EPB41: variants seen among roughly 807,000 people sequenced by gnomAD.
The protein encoded by EPB41 is erythrocyte membrane protein band 4.1, also known as protein 4.1.
In EPB41, 65 loss-of-function variants were observed where a neutral mutation model predicts 108.0. That is an observed-to-expected ratio of 0.60 (90% CI 0.49 to 0.74). EPB41 has a LOEUF of 0.74. Among genes scored for constraint, EPB41 ranks in the 30% least tolerant of loss-of-function variants. EPB41 has a pLI of 0.00. For synonymous variants in EPB41, 336 were observed against 358.9 expected, an observed-to-expected ratio of 0.94 and a Z score of 0.72; for missense variants, 875 against 1,037.0, an observed-to-expected ratio of 0.84 and a Z score of 2.15.
At chr1:28,941,848 G>T (rs1235058889) in intron 1 of EPB41, among the ~76,000 whole-genome samples, 1 of 148,448 alleles carries the variant, frequency 6.7e-6, no homozygotes, top group Non-Finnish European at 1.5e-5. Flanking sequence ...GAGCTGAGAT[G>T]GTGCCATTGC....
chr1:29,098,779 T>C (rs72649247), intron 17 of EPB41, among the ~76,000 whole-genome samples: 5,826 of 152,058 alleles, frequency 0.038, 137 homozygotes, highest in Non-Finnish European at 0.058. Context: ...TCAGTCACTC[T>C]GTCGCCCAGG....
chr1:29,006,156 T>G (rs2096395627), intron 4 of EPB41, among the ~76,000 whole-genome samples: 1 of 152,234 alleles, frequency 6.6e-6, no homozygotes, highest in Non-Finnish European at 1.5e-5. Context: ...TTTGCATATA[T>G]TATTCTCTAT....
chr1:29,055,887 C>T (rs1181605303), intron 12 of EPB41, among the ~76,000 whole-genome samples: 2 of 140,288 alleles, frequency 1.4e-5, no homozygotes, highest in Non-Finnish European at 3.0e-5. Context: ...GAGATTGCGC[C>T]ACTGCACGCC....
At chr1:28,906,083 T>G (rs2091805359) in intron 1 of EPB41, among the ~76,000 whole-genome samples, 1 of 152,054 alleles carries the variant, frequency 6.6e-6, no homozygotes, top group African/African-American at 2.4e-5. Flanking sequence ...CCTCCCAAAG[T>G]GTTGGGATTA....
rs758164060 is a variant in EPB41, at chr1:29,018,443, G to T, written c.1124+1G>T. ...TCATGGAACTGCATAAGTCATACAG[G>T]TGAATATGTCTCCAGGGTTTGTTCG... On this transcript the variant is annotated splice_donor_variant, in intron 7 of 20. Transcript: ENST00000343067. LOFTEE classifies it high-confidence loss of function. This position sits in a 1 kb window ranked among gnomAD's most constrained non-coding sequence, Gnocchi z 4.4. 9 of 1,613,500 alleles carry T rather than the reference G, an allele frequency of 5.6e-6. No homozygotes were observed.
chr1:28,948,552 T>C (rs1285030442), intron 1 of EPB41, among the ~76,000 whole-genome samples: 1 of 151,182 alleles, frequency 6.6e-6, no homozygotes, highest in African/African-American at 2.4e-5. Flanking sequence ...GCAGCAACTA[T>C]TGGAGGATAG....
intron 1 of EPB41, among the ~76,000 whole-genome samples, chr1:28,947,688 T>C (rs939198709): frequency 6.6e-6 from 1 of 151,950 alleles, no homozygotes; most frequent in Admixed American, 6.6e-5. Flanking sequence ...TAGCTGGGTG[T>C]GGCGGCACAT....
At chr1:28,890,308 G>C (rs2089983478) in intron 1 of EPB41, among the ~76,000 whole-genome samples, 1 of 152,138 alleles carries the variant, frequency 6.6e-6, no homozygotes, top group South Asian at 2.1e-4. Context: ...AAAGTGCTGG[G>C]ATTACAGGCG....
upstream of EPB41, among the ~76,000 whole-genome samples, chr1:28,911,712 T>G (rs1321731741): frequency 1.3e-5 from 2 of 152,168 alleles, no homozygotes; most frequent in African/African-American, 4.8e-5. Flanking sequence ...AAAGCACAGC[T>G]GAACCTGAGG....
intron 11 of EPB41, among the ~76,000 whole-genome samples, chr1:29,044,478 A>T (rs999113591): frequency 9.9e-5 from 15 of 151,740 alleles, no homozygotes; most frequent in African/African-American, 3.4e-4. Flanking sequence ...TATATTCTGA[A>T]TTTTTTTTTA....
At chr1:29,001,202 T>C (rs570171417) in intron 4 of EPB41, among the ~76,000 whole-genome samples, 1 of 152,282 alleles carries the variant, frequency 6.6e-6, no homozygotes, top group East Asian at 1.9e-4. Flanking sequence ...TGGTGGCACA[T>C]GCCTGTAATC....
At position 28,905,030 on chromosome 1, in the gene EPB41, CAAAAAAA is replaced by C. The variant is rs1221262969; in HGVS notation, c.-8+17833_-8+17839del. ...TGGGCGACAGAACGAGACTCTGTCT[CAAAAAAA>C]AAAAAAAAAAAATTAGCCAGGCGTG... On this transcript the variant is annotated intron_variant, in intron 1 of 16. Coordinates refer to the EPB41 transcript ENST00000347529. Among the ~76,000 whole-genome samples the C allele has an allele frequency of 8.0e-3, 576 of 72,354 alleles. 8 individuals carry two copies. The highest frequency in any genetic ancestry group is 0.032 in the African/African-American group (548 of 17,150). 47.5% of individuals were successfully genotyped at this position (72,354 alleles called of 152,430 possible). A position where few individuals can be genotyped will look rare whatever the true frequency, so the allele number is the denominator to read the frequency against.
intron 1 of EPB41, among the ~76,000 whole-genome samples, chr1:28,929,136 T>G (rs2093602929): frequency 6.6e-6 from 1 of 152,342 alleles, no homozygotes; most frequent in East Asian, 1.9e-4. Context: ...TGGGAACTAA[T>G]TATTATTTTA....
chr1:28,995,526 C>T (rs763282138), intron 3 of EPB41, among the ~76,000 whole-genome samples: 1 of 152,198 alleles, frequency 6.6e-6, no homozygotes, highest in Non-Finnish European at 1.5e-5. Context: ...CACACCACTG[C>T]ACTCCAGCCT....
intron 1 of EPB41, among the ~76,000 whole-genome samples, chr1:28,899,755 C>T (rs557157608): frequency 6.6e-6 from 1 of 152,266 alleles, no homozygotes; most frequent in East Asian, 1.9e-4. Context: ...AAATTACCTA[C>T]CCTTCCTGAG....
chr1:29,112,456 T>A lies in EPB41; in HGVS notation c.2496+8T>A. On this transcript the variant is annotated splice_region_variant and intron_variant, in intron 19 of 20. Coordinates refer to ENST00000343067, the MANE Select transcript of EPB41 (RefSeq NM_001376013.1). ...GATATTGACCATGATCAGGTGGGAA[T>A]GTTGAAGAGATCTGGGCCTGGGAGG... is the stretch of plus-strand genomic sequence containing the variant. 6.2e-7 allele frequency: 1 copy of A among 1,612,586 alleles called. No homozygotes were observed.
chr1:29,066,961 C>T (rs1184810099), intron 16 of EPB41, among the ~76,000 whole-genome samples: 1 of 151,784 alleles, frequency 6.6e-6, no homozygotes, highest in Non-Finnish European at 1.5e-5. Context: ...AGGCATGAGC[C>T]ACCGTGCCCA....
intron 19 of EPB41, among the ~76,000 whole-genome samples, chr1:29,112,992 C>T (rs1249218332): frequency 9.2e-5 from 14 of 152,170 alleles, no homozygotes; most frequent in Admixed American, 6.6e-5. Context: ...CCAGCAGACT[C>T]GAAACTTGTT....
intron 16 of EPB41, among the ~76,000 whole-genome samples, chr1:29,075,203 G>C (rs1337774775): frequency 6.7e-6 from 1 of 149,714 alleles, no homozygotes; most frequent in Non-Finnish European, 1.5e-5. Flanking sequence ...CCTAGGCCAG[G>C]TGTGGTGGCT....
Sources: gnomAD v4.1 joint callset for allele counts (sites outside exome capture counted in the v4.1 genomes callset) on GRCh38, gnomAD v4.1.1 for gene constraint, Gnocchi (gnomAD v3.1) non-coding constraint, MANE v1.5 for transcripts, NCBI Gene and HGNC (gene_info 2026-07-23, HGNC 2026-07-21) for gene names.